The following PLEK variants were observed in gnomAD, a reference collection of about 807,000 sequenced individuals.
PLEK encodes platelet 47 kDa protein.
A neutral mutation model predicts 43.9 loss-of-function variants in PLEK; 25 were observed. The observed-to-expected ratio is 0.57, with a 90% CI of 0.41 to 0.79. PLEK has a LOEUF of 0.79. Ranked by LOEUF, PLEK falls within the 30% of genes least tolerant of loss-of-function variation. The pLI is 0.00. For synonymous variants in PLEK, 152 were observed against 144.4 expected, an observed-to-expected ratio of 1.05 and a Z score of -0.38; for missense variants, 396 against 413.3, an observed-to-expected ratio of 0.96 and a Z score of 0.36.
chr2:68,385,923 C>T (rs890739513), intron 4 of PLEK, among the ~76,000 whole-genome samples: 3 of 152,108 alleles, frequency 2.0e-5, no homozygotes, highest in African/African-American at 7.2e-5. Flanking sequence ...GGGAATTTCT[C>T]CAACACCCAG....
intron 3 of PLEK, among the ~76,000 whole-genome samples, chr2:68,381,502 A>T (rs1460699946): frequency 6.6e-6 from 1 of 152,228 alleles, no homozygotes; most frequent in South Asian, 2.1e-4. Flanking sequence ...AGTATCTCAC[A>T]TCTTTGGTCA....
chr2:68,389,422 G>A (rs1302802755), intron 6 of PLEK, among the ~76,000 whole-genome samples: 3 of 152,164 alleles, frequency 2.0e-5, no homozygotes, highest in Non-Finnish European at 2.9e-5. Context: ...TAGGCTCCAC[G>A]GGACTGGGGG....
intron 4 of PLEK, among the ~76,000 whole-genome samples, chr2:68,385,707 A>G (rs1242478243): frequency 1.3e-5 from 2 of 152,086 alleles, no homozygotes; most frequent in African/African-American, 4.8e-5. Context: ...ATGCTTGGCA[A>G]ACGCCTACTC....
At chr2:68,379,286 T>C (rs1216114049) in intron 1 of PLEK, among the ~76,000 whole-genome samples, 2 of 152,334 alleles carry the variant, frequency 1.3e-5, no homozygotes, top group Middle Eastern at 6.8e-3. Flanking sequence ...TATTTATATG[T>C]GTCTTCAGTG....
In PLEK at chr2:68,380,318, G is replaced by A. The variant is rs777733660; in HGVS notation, c.43-10G>A. On this transcript the variant is annotated splice_polypyrimidine_tract_variant and intron_variant, in intron 1 of 8. Coordinates refer to ENST00000234313, the MANE Select transcript of PLEK (RefSeq NM_002664.3). ...CCTGTCCATCTCAGCTCTTTTGGTT[G>A]TCATTACAGGGGAGCGTGTTCAATA... 5 of 1,603,086 alleles carry A rather than the reference G, an allele frequency of 3.1e-6. No homozygotes were observed. Among genetic ancestry groups the A allele is most frequent in the East Asian group, 2.2e-5 (1 of 44,676 alleles).
intron 1 of PLEK, chr2:68,365,695 CAG>C (rs1340864791): frequency 3.3e-6 from 1 of 307,204 alleles, no homozygotes; most frequent in African/African-American, 2.2e-5. Context: ...AAGAGGCACA[CAG>C]ATGTGTTCTG....
chr2:68,371,231 A>G (rs906936121), intron 1 of PLEK, among the ~76,000 whole-genome samples: 1 of 152,140 alleles, frequency 6.6e-6, no homozygotes, highest in Non-Finnish European at 1.5e-5. Flanking sequence ...CACTAATTAC[A>G]TTTTCTCCCT....
At chr2:68,376,035 T>A (rs1673494406) in intron 1 of PLEK, among the ~76,000 whole-genome samples, 1 of 152,206 alleles carries the variant, frequency 6.6e-6, no homozygotes, top group Non-Finnish European at 1.5e-5. Flanking sequence ...GGCTGCTGTC[T>A]GAGTTTCTTT....
intron 7 of PLEK, among the ~76,000 whole-genome samples, chr2:68,393,670 C>A (rs766941468): frequency 2.6e-5 from 4 of 152,142 alleles, no homozygotes; most frequent in Non-Finnish European, 4.4e-5. Context: ...ATAAAATGAA[C>A]CACTTTTAAA....
intron 1 of PLEK, among the ~76,000 whole-genome samples, chr2:68,371,668 G>T (rs1478607996): frequency 6.6e-6 from 1 of 152,182 alleles, no homozygotes; most frequent in Non-Finnish European, 1.5e-5. Flanking sequence ...GCAGAGTTGG[G>T]ATTTGAGCCT....
chr2:68,380,811 T>C lies in PLEK; in HGVS notation c.287T>C (p.Ile96Thr), dbSNP rs1467843242. 1 of 1,613,880 alleles carries C rather than the reference T, an allele frequency of 6.2e-7. No homozygotes were observed. Among genetic ancestry groups the C allele is most frequent in the African/African-American group, 1.3e-5 (1 of 74,898 alleles). Reference sequence around the variant, plus strand: ...GAGAGAGATGCCTGGGTTCGGGATATCAAGAAGGCCATTAAATGCATTGAA... The same window carrying C: ...GAGAGAGATGCCTGGGTTCGGGATACCAAGAAGGCCATTAAATGCATTGAA... ...LEERDAWVRDIKKAIKCIEGG... is the reference protein window; with the variant it reads ...LEERDAWVRDTKKAIKCIEGG... The change falls in exon 3 of 9, where the codon ATC becomes ACC. Residue 96 changes from isoleucine to threonine, a missense_variant. Transcript: ENST00000234313.
chr2:68,371,859 C>T (rs776168149), intron 1 of PLEK, among the ~76,000 whole-genome samples: 4 of 152,152 alleles, frequency 2.6e-5, no homozygotes, highest in Admixed American at 2.6e-4. Context: ...CCCACATGCT[C>T]ATTTCCCACA....
intron 6 of PLEK, among the ~76,000 whole-genome samples, chr2:68,391,045 G>C (rs1464728703): frequency 6.6e-6 from 1 of 152,136 alleles, no homozygotes; most frequent in East Asian, 1.9e-4. Context: ...ATTTATCATA[G>C]GCAATGAACA....
intron 1 of PLEK, among the ~76,000 whole-genome samples, chr2:68,374,053 T>C (rs1017628922): frequency 1.3e-5 from 2 of 152,334 alleles, no homozygotes; most frequent in Admixed American, 1.3e-4. Context: ...CAATTGATAA[T>C]GGATGGGCAC....
intron 1 of PLEK, among the ~76,000 whole-genome samples, chr2:68,375,051 A>G (rs959247599): frequency 2.0e-5 from 3 of 152,216 alleles, no homozygotes; most frequent in Admixed American, 6.5e-5. Context: ...ATCTTTGCCC[A>G]GGAGTGAAAT....
intron 1 of PLEK, among the ~76,000 whole-genome samples, chr2:68,374,985 G>A (rs1673476286): frequency 6.6e-6 from 1 of 152,132 alleles, no homozygotes; most frequent in Non-Finnish European, 1.5e-5. Context: ...ATGAATAAAG[G>A]TGTCATGAAC....
chr2:68,389,495 G>A (rs1013651953), intron 6 of PLEK, among the ~76,000 whole-genome samples: 6 of 152,174 alleles, frequency 3.9e-5, no homozygotes, highest in African/African-American at 1.2e-4. Context: ...AATGGGCAAG[G>A]AGGGAAGAAC....
intron 6 of PLEK, among the ~76,000 whole-genome samples, chr2:68,392,215 C>A (rs1236769106): frequency 1.4e-5 from 2 of 144,434 alleles, no homozygotes; most frequent in African/African-American, 2.8e-5. Context: ...CCTCTTCCGC[C>A]TCTTCTTCTT....
intron 1 of PLEK, among the ~76,000 whole-genome samples, chr2:68,372,932 T>G (rs1221979338): frequency 6.6e-6 from 1 of 152,184 alleles, no homozygotes; most frequent in Non-Finnish European, 1.5e-5. Flanking sequence ...TCAGATGTAC[T>G]AGGCCAATCA....
Sources: allele counts gnomAD v4.1 joint callset (sites outside exome capture counted in the v4.1 genomes callset), GRCh38; gene constraint gnomAD v4.1.1; transcripts MANE v1.5; gene names NCBI Gene and HGNC (gene_info 2026-07-23, HGNC 2026-07-21).